MARCHF1: variants seen among roughly 807,000 people sequenced by gnomAD.
The protein encoded by MARCHF1 is E3 ubiquitin-protein ligase MARCHF1.
Under a neutral mutation model 54.2 loss-of-function variants are expected in MARCHF1, and 40 were observed. The ratio of observed to expected loss-of-function variants is 0.74; its 90% CI spans 0.57 to 0.96. The LOEUF (loss-of-function observed/expected upper bound fraction) is 0.96, where lower values mean the gene tolerates loss of function less well. Among genes scored for constraint, MARCHF1 ranks in the 40% least tolerant of loss-of-function variants. MARCHF1 has a pLI of 0.00. For synonymous variants in MARCHF1, 236 were observed against 236.3 expected, an observed-to-expected ratio of 1.00 and a Z score of 0.01; for missense variants, 586 against 656.5, an observed-to-expected ratio of 0.89 and a Z score of 1.17.
chr4:163,634,024 T>C (rs1742212073), intron 5 of MARCHF1, among the ~76,000 whole-genome samples: 1 of 152,112 alleles, frequency 6.6e-6, no homozygotes, highest in Non-Finnish European at 1.5e-5. Flanking sequence ...AGTAATAAAA[T>C]ACTTTACAGA....
intron 4 of MARCHF1, among the ~76,000 whole-genome samples, chr4:163,799,944 A>G (rs1226422280): frequency 1.3e-5 from 2 of 152,212 alleles, no homozygotes. Flanking sequence ...ACCATGGAAT[A>G]GTATGCAGCC....
intron 4 of MARCHF1, among the ~76,000 whole-genome samples, chr4:163,831,058 G>T (rs1281832460): frequency 7.9e-5 from 12 of 152,110 alleles, no homozygotes; most frequent in Non-Finnish European, 1.5e-5. Context: ...GGGTCAATAG[G>T]TATAGTTCTG....
intron 2 of MARCHF1, among the ~76,000 whole-genome samples, chr4:164,027,350 G>A (rs1054002382): frequency 1.9e-4 from 12 of 64,136 alleles, no homozygotes; most frequent in African/African-American, 6.2e-4. Flanking sequence ...TACCAAAACA[G>A]CATGGTACAG....
At chr4:163,789,660 A>T (rs922704936) in intron 4 of MARCHF1, among the ~76,000 whole-genome samples, 10 of 152,064 alleles carry the variant, frequency 6.6e-5, no homozygotes, top group African/African-American at 1.9e-4. Flanking sequence ...TTTAACAAAT[A>T]TATCAGATGA....
intron 8 of MARCHF1, among the ~76,000 whole-genome samples, chr4:163,550,311 G>T (rs1049809059): frequency 6.8e-6 from 1 of 147,672 alleles, no homozygotes; most frequent in Non-Finnish European, 1.5e-5. Flanking sequence ...GAAAAGAAAA[G>T]AAAAGAAAAA....
chr4:163,727,180 T>C (rs1745681893), intron 4 of MARCHF1, among the ~76,000 whole-genome samples: 1 of 152,350 alleles, frequency 6.6e-6, no homozygotes, highest in South Asian at 2.1e-4. Flanking sequence ...TTTTATCCTG[T>C]AAAAATAGTG....
chr4:163,896,956 T>A (rs1370083612), intron 3 of MARCHF1, among the ~76,000 whole-genome samples: 1 of 152,168 alleles, frequency 6.6e-6, no homozygotes, highest in Non-Finnish European at 1.5e-5. Flanking sequence ...TCAGCACCAG[T>A]CCATCCCCCT....
At chr4:164,254,532 A>G (rs931847467) in intron 1 of MARCHF1, among the ~76,000 whole-genome samples, 2 of 151,668 alleles carry the variant, frequency 1.3e-5, no homozygotes. Context: ...ATAAACTCCC[A>G]TATGTATGAA....
intron 4 of MARCHF1, among the ~76,000 whole-genome samples, chr4:163,805,027 A>G (rs1748185825): frequency 6.6e-6 from 1 of 152,160 alleles, no homozygotes; most frequent in African/African-American, 2.4e-5. Flanking sequence ...AATGGCTCCC[A>G]TACATTAGCT....
At chr4:163,773,353 C>CT (rs1747213503) in intron 4 of MARCHF1, among the ~76,000 whole-genome samples, 1 of 152,156 alleles carries the variant, frequency 6.6e-6, no homozygotes, top group East Asian at 1.9e-4. Flanking sequence ...ATTTTTATTT[C>CT]TTTTTTACTG....
At chr4:164,032,019 T>G (rs1753887347) in intron 2 of MARCHF1, among the ~76,000 whole-genome samples, 1 of 152,204 alleles carries the variant, frequency 6.6e-6, no homozygotes. Context: ...AACTTTTTAT[T>G]GGACTATTCA....
chr4:164,206,395 C>T (rs192650225), intron 1 of MARCHF1, among the ~76,000 whole-genome samples: 2 of 152,136 alleles, frequency 1.3e-5, no homozygotes, highest in Non-Finnish European at 2.9e-5. Context: ...CAAGGTCATG[C>T]CATTGTACTC....
chr4:164,324,368 G>A (rs1212879989), intron 1 of MARCHF1, among the ~76,000 whole-genome samples: 2 of 151,824 alleles, frequency 1.3e-5, no homozygotes, highest in East Asian at 3.9e-4. Flanking sequence ...ATTGGAAATT[G>A]CACAGGGAAA....
intron 3 of MARCHF1, among the ~76,000 whole-genome samples, chr4:163,912,296 A>G (rs1184261391): frequency 6.6e-6 from 1 of 152,156 alleles, no homozygotes; most frequent in African/African-American, 2.4e-5. Flanking sequence ...TTACTGAAGG[A>G]GAAGAGAATA....
rs539449944 is a variant in MARCHF1, at chr4:164,028,455, G to A, written c.-247-39746C>T. 9.9e-4 allele frequency among the ~76,000 whole-genome samples: 150 copies of A among 152,092 alleles called. 1 individual carries two copies. The highest frequency in any genetic ancestry group is 1.7e-3 in the Non-Finnish European group (116 of 68,018). On this transcript the variant is annotated intron_variant, in intron 2 of 9. Coordinates refer to ENST00000514618, the MANE Select transcript of MARCHF1 (RefSeq NM_001394959.1). ...ATGCTGCTAGAGGCCATAATCTTCC[G>A]TGAGTTAATGAAGAAACAGAAAACC...
At chr4:164,346,345 C>T (rs1013835525) in intron 1 of MARCHF1, among the ~76,000 whole-genome samples, 1 of 152,062 alleles carries the variant, frequency 6.6e-6, no homozygotes, top group Non-Finnish European at 1.5e-5. Context: ...GAACCACTGA[C>T]ATGGTAAAAA....
chr4:164,324,793 T>C (rs1326250833), intron 1 of MARCHF1, among the ~76,000 whole-genome samples: 2 of 151,216 alleles, frequency 1.3e-5, no homozygotes, highest in Non-Finnish European at 3.0e-5. Context: ...AGAAAACAAA[T>C]GATTGAGGAA....
At chr4:164,131,236 T>G (rs1756294990) in intron 1 of MARCHF1, among the ~76,000 whole-genome samples, 1 of 152,174 alleles carries the variant, frequency 6.6e-6, no homozygotes, top group Non-Finnish European at 1.5e-5. Flanking sequence ...AGAATGCCAC[T>G]GGGGGTTGCC....
intron 1 of MARCHF1, among the ~76,000 whole-genome samples, chr4:164,196,159 C>A (rs1295026557): frequency 6.6e-6 from 1 of 152,012 alleles, no homozygotes; most frequent in Non-Finnish European, 1.5e-5. Context: ...TTTCAATGTA[C>A]AATGATAGTT....
Sources: allele counts gnomAD v4.1 joint callset (sites outside exome capture counted in the v4.1 genomes callset), GRCh38; gene constraint gnomAD v4.1.1; transcripts MANE v1.5; gene names NCBI Gene and HGNC (gene_info 2026-07-23, HGNC 2026-07-21).